SLC2A13: variants seen among roughly 807,000 people sequenced by gnomAD.
SLC2A13 encodes proton myo-inositol cotransporter.
SLC2A13 carries 32 observed loss-of-function variants against 64.4 expected under a neutral mutation model. The ratio of observed to expected loss-of-function variants is 0.50; its 90% confidence interval spans 0.37 to 0.67. The LOEUF (loss-of-function observed/expected upper bound fraction) is 0.67. SLC2A13 is among the 30% of genes least tolerant of loss of function. SLC2A13 has a pLI of 0.00. For missense variants in SLC2A13, 743 were observed against 829.2 expected (o/e 0.90, Z 1.28); for synonymous variants, 338 against 327.1 (o/e 1.03, Z -0.36).
intron 4 of SLC2A13, among the ~76,000 whole-genome samples, chr12:39,873,448 C>T (rs1944108183): frequency 6.6e-6 from 1 of 152,152 alleles, no homozygotes. Flanking sequence ...TCAAACCTTA[C>T]ATGTAATCAC....
At chr12:39,841,877 T>C (rs67574032) in intron 6 of SLC2A13, among the ~76,000 whole-genome samples, 10,029 of 152,098 alleles carry the variant, frequency 0.066, 644 homozygotes, top group African/African-American at 0.18. Context: ...CGACTAGTAT[T>C]TGTAGCTATG....
At chr12:39,981,243 C>A (rs1156822651) in intron 3 of SLC2A13, among the ~76,000 whole-genome samples, 2 of 149,434 alleles carry the variant, frequency 1.3e-5, no homozygotes, top group African/African-American at 5.0e-5. Flanking sequence ...AAATTGACAC[C>A]CTAACATCAC....
chr12:39,762,229 T>C (rs1193706636), intron 9 of SLC2A13, among the ~76,000 whole-genome samples: 3 of 152,068 alleles, frequency 2.0e-5, no homozygotes, highest in Admixed American at 6.6e-5. Context: ...TCAGTCACTA[T>C]CTCAGTTTCT....
intron 3 of SLC2A13, among the ~76,000 whole-genome samples, chr12:40,020,120 A>G (rs1947687803): frequency 6.6e-6 from 1 of 152,150 alleles, no homozygotes; most frequent in Non-Finnish European, 1.5e-5. Context: ...AATTTAAAAT[A>G]TGAGGGAAAA....
intron 1 of SLC2A13, among the ~76,000 whole-genome samples, chr12:40,055,385 C>T (rs1007609714): frequency 5.3e-5 from 8 of 152,284 alleles, no homozygotes; most frequent in African/African-American, 1.9e-4. Context: ...AAAATGACCA[C>T]TTCTGTTAGA....
At chr12:40,041,684 C>G (rs1261279234) in intron 2 of SLC2A13, among the ~76,000 whole-genome samples, 1 of 152,216 alleles carries the variant, frequency 6.6e-6, no homozygotes, top group Non-Finnish European at 1.5e-5. Context: ...TATTTCCACA[C>G]CAACTGATGA....
At chr12:39,897,747 C>G (rs189839214) in intron 4 of SLC2A13, among the ~76,000 whole-genome samples, 1 of 152,058 alleles carries the variant, frequency 6.6e-6, no homozygotes, top group East Asian at 1.9e-4. Flanking sequence ...ACTTAGAAAA[C>G]AAAAAATATT....
chr12:39,792,309 G>A (rs1276701293), intron 7 of SLC2A13, among the ~76,000 whole-genome samples: 2 of 149,848 alleles, frequency 1.3e-5, no homozygotes, highest in Non-Finnish European at 3.0e-5. Context: ...CAGGACACAG[G>A]CGTGGGCAAG....
At chr12:39,986,506 C>A (rs1307612166) in intron 3 of SLC2A13, among the ~76,000 whole-genome samples, 2 of 151,414 alleles carry the variant, frequency 1.3e-5, no homozygotes, top group Non-Finnish European at 2.9e-5. Context: ...TTGTTAAATA[C>A]AACGAAATGA....
At chr12:40,047,182 G>A (rs767006753) in intron 2 of SLC2A13, among the ~76,000 whole-genome samples, 10 of 152,102 alleles carry the variant, frequency 6.6e-5, no homozygotes, top group East Asian at 1.9e-4. Flanking sequence ...TATTACAGGC[G>A]TGAGCCACCA....
At chr12:39,986,012 G>T (rs565980967) in intron 3 of SLC2A13, among the ~76,000 whole-genome samples, 1 of 152,224 alleles carries the variant, frequency 6.6e-6, no homozygotes, top group East Asian at 1.9e-4. Flanking sequence ...TGCGGTGAGG[G>T]CCTGTGTCTT....
At chr12:40,040,487 G>C (rs1036918318) in intron 2 of SLC2A13, among the ~76,000 whole-genome samples, 14 of 152,080 alleles carry the variant, frequency 9.2e-5, no homozygotes, top group African/African-American at 3.4e-4. Flanking sequence ...CTGCCTTCTG[G>C]GTTCAAGATT....
chr12:39,820,621 C>T (rs1286683881), intron 7 of SLC2A13, among the ~76,000 whole-genome samples: 2 of 151,376 alleles, frequency 1.3e-5, no homozygotes, highest in African/African-American at 4.8e-5. Flanking sequence ...TTTATGCTGT[C>T]CAGCAAAAAA....
At chr12:40,034,227 A>C (rs1947944555) in intron 2 of SLC2A13, among the ~76,000 whole-genome samples, 1 of 152,214 alleles carries the variant, frequency 6.6e-6, no homozygotes. Flanking sequence ...TGAGAGGCAC[A>C]GTAAAGGTTT....
intron 4 of SLC2A13, among the ~76,000 whole-genome samples, chr12:39,940,266 AC>A (rs1018578193): frequency 6.6e-6 from 1 of 151,998 alleles, no homozygotes; most frequent in African/African-American, 2.4e-5. Flanking sequence ...AGAGAGTAAA[AC>A]CCCATTCCTG....
chr12:39,841,540 G>GTA (rs1251676818), intron 6 of SLC2A13, among the ~76,000 whole-genome samples: 1 of 151,978 alleles, frequency 6.6e-6, no homozygotes, highest in Non-Finnish European at 1.5e-5. Flanking sequence ...AAGATAACAT[G>GTA]TATATAAATG....
At chr12:39,832,951 A>G (rs1592183281) in intron 6 of SLC2A13, among the ~76,000 whole-genome samples, 1 of 152,116 alleles carries the variant, frequency 6.6e-6, no homozygotes, top group African/African-American at 2.4e-5. Context: ...ACCAGCCTCA[A>G]ACGGATTCTC....
chr12:39,916,784 C>T (rs1335280713), intron 4 of SLC2A13, among the ~76,000 whole-genome samples: 1 of 150,894 alleles, frequency 6.6e-6, no homozygotes, highest in Non-Finnish European at 1.5e-5. Flanking sequence ...TCTTGCCTTC[C>T]AAGTCGGTAG....
chr12:39,946,717 G>A lies in SLC2A13; in HGVS notation c.1034+4540C>T, dbSNP rs145822528. Among the ~76,000 whole-genome samples the A allele has an allele frequency of 1.0e-3, 157 of 152,260 alleles. 3 individuals carry two copies. The East Asian group carries it at 0.027, about 26-fold the overall frequency. On this transcript the variant is annotated intron_variant, in intron 4 of 9. Coordinates refer to ENST00000280871, the MANE Select transcript of SLC2A13 (RefSeq NM_052885.4). The stretch of plus-strand genomic sequence containing the variant: ...CCGGTCTCACTCCCACCATGTTCCC[G>A]CAACAGCCCCAAGTCTGTTTCCAGG...
Sources: allele counts gnomAD v4.1 joint callset (sites outside exome capture counted in the v4.1 genomes callset), GRCh38; gene constraint gnomAD v4.1.1; transcripts MANE v1.5; gene names NCBI Gene and HGNC (gene_info 2026-07-23, HGNC 2026-07-21).